SAR1A: variants seen among roughly 807,000 people sequenced by gnomAD.
SAR1A encodes the protein secretion associated Ras related GTPase 1A, also known as small COPII coat GTPase SAR1A.
A neutral mutation model predicts 22.6 loss-of-function variants in SAR1A; 6 were observed. The ratio of observed to expected loss-of-function variants is 0.27; its 90% confidence interval spans 0.15 to 0.52. The LOEUF is 0.52. Ranked by LOEUF, SAR1A falls within the 20% of genes least tolerant of loss-of-function variation. The pLI is 0.96. For missense variants in SAR1A, 145 were observed against 245.1 expected (o/e 0.59, Z 2.73); for synonymous variants, 70 against 82.2 (o/e 0.85, Z 0.80).
intron 5 of SAR1A, 117 bp from the exon 6 acceptor site, chr10:70,154,086 G>A: frequency 6.9e-6 from 5 of 725,460 alleles, no homozygotes; most frequent in Non-Finnish European, 1.1e-5. Flanking sequence ...TTAATGTAAA[G>A]TGAAAATCTG....
intron 4 of SAR1A, among the ~76,000 whole-genome samples, chr10:70,158,127 T>C (rs1268181399): frequency 6.6e-6 from 1 of 152,228 alleles, no homozygotes; most frequent in African/African-American, 2.4e-5. Context: ...ATCCCATGCC[T>C]ACTTATCCAC....
In SAR1A at chr10:70,152,196, G is replaced by T; in HGVS notation, c.*280C>A. 1 of 469,982 alleles carries T rather than the reference G, an allele frequency of 2.1e-6. No individual in the cohort carries two copies. The highest frequency in any genetic ancestry group is 3.8e-6 in the Non-Finnish European group (1 of 259,770). The allele number at this position is 469,982 out of a possible 1,614,324, so 29.1% of individuals were successfully genotyped here. A position where few individuals can be genotyped will look rare whatever the true frequency, so the allele number is the denominator to read the frequency against. On this transcript the variant is annotated 3_prime_UTR_variant, in exon 7 of 7. Transcript: ENST00000373241. The stretch of plus-strand genomic sequence containing the variant: ...TGGTGAGACGTGTTTTTCTTTTCAG[G>T]TGCCCCATGATGGCATACAGCTTTA...
intron 5 of SAR1A, among the ~76,000 whole-genome samples, chr10:70,155,646 G>A (rs1278255698): frequency 6.6e-6 from 1 of 152,208 alleles, no homozygotes; most frequent in Non-Finnish European, 1.5e-5. Context: ...ACATTGGTAA[G>A]GTGGGAGTCT....
chr10:70,158,757 C>CAAAAAA (rs58884949), intron 4 of SAR1A, among the ~76,000 whole-genome samples: 38,067 of 124,646 alleles, frequency 0.31, 5,878 homozygotes, highest in Non-Finnish European at 0.4. Flanking sequence ...TTAAGTTATA[C>CAAAAAA]AAAAAAAAAA....
At position 70,158,137 on chromosome 10, in the gene SAR1A, C is replaced by T. The variant is rs150942755; in HGVS notation, c.245-270G>A. ...TGGCAATCCCATGCCTACTTATCCA[C>T]GTGACAATTATCAGCAGGAACTAAG... On this transcript the variant is annotated intron_variant, in intron 4 of 6. Transcript: ENST00000373241. Among the ~76,000 whole-genome samples the T allele has an allele frequency of 3.6e-3, 551 of 152,310 alleles. 2 individuals carry two copies. The highest frequency in any genetic ancestry group is 0.013 in the African/African-American group (524 of 41,564).
Position 70,161,573 on chromosome 10 carries a change from A to G in SAR1A, c.178+46T>C, listed in dbSNP as rs762024840. ...TAGGGATTCATCCTCCACGCCTAAC[A>G]CTGACCTTTAAAGATCAAAAGGTCA... On this transcript the variant is annotated intron_variant, in intron 3 of 6. Coordinates refer to ENST00000373241, the MANE Select transcript of SAR1A (RefSeq NM_020150.5). 10 of 1,608,286 alleles carry G rather than the reference A, an allele frequency of 6.2e-6. No homozygotes were observed. The African/African-American group carries it at 1.3e-4, about 22-fold the overall frequency.
At chr10:70,157,138 C>T (rs1839399182) in intron 5 of SAR1A, among the ~76,000 whole-genome samples, 2 of 152,170 alleles carry the variant, frequency 1.3e-5, no homozygotes, top group African/African-American at 4.8e-5. Flanking sequence ...GGCGCGGTGG[C>T]TCATGCCTGT....
chr10:70,155,116 C>T (rs1839370626), intron 5 of SAR1A: 1 of 527,068 alleles, frequency 1.9e-6, no homozygotes, highest in Non-Finnish European at 3.9e-6. Flanking sequence ...AAGTGAGCTG[C>T]AATATATCCT....
chr10:70,161,701 A>C lies in SAR1A; in HGVS notation c.96T>G (p.Gly32=). The change falls in exon 3 of 7, where the codon GGT becomes GGG. Residue 32 remains glycine (G), a synonymous_variant. Transcript: ENST00000373241. Reference sequence around the variant, plus strand: ...GAGTGGTTTTGCCTGCATTATCCAAACCTAAGAATACAAGTTTTCCAGATT... The same window carrying C: ...GAGTGGTTTTGCCTGCATTATCCAACCCTAAGAATACAAGTTTTCCAGATT... The part of the protein sequence containing the change: ...YKKSGKLVFL[G]LDNAGKTTLL... 6.2e-7 allele frequency: 1 copy of C among 1,613,494 alleles called. No homozygotes were observed. Among genetic ancestry groups the C allele is most frequent in the Non-Finnish European group, 8.5e-7 (1 of 1,180,012 alleles).
chr10:70,150,576 AAACT>A lies in SAR1A; in HGVS notation c.*1896_*1899del, dbSNP rs1165732088. The A allele has an allele frequency of 6.6e-6, 1 of 152,260 alleles. No homozygotes were observed. Among genetic ancestry groups the A allele is most frequent in the Non-Finnish European group, 1.5e-5 (1 of 68,050 alleles). 9.4% of individuals were successfully genotyped at this position (152,260 alleles called of 1,614,324 possible). A position where few individuals can be genotyped will look rare whatever the true frequency, so the allele number is the denominator to read the frequency against. The stretch of plus-strand genomic sequence containing the variant: ...AAATAGGGGAAAAAAAAAATTAAGA[AAACT>A]AACACTGAAGTAATCATACTTCTCA... On this transcript the variant is annotated 3_prime_UTR_variant, in exon 7 of 7. Transcript: ENST00000373241.
In SAR1A at chr10:70,152,647, T is replaced by G; in HGVS notation, c.481-55A>C. 3.5e-6 allele frequency: 4 copies of G among 1,142,686 alleles called. No homozygotes were observed. The South Asian group carries it at 4.9e-5, about 14-fold the overall frequency. 70.8% of individuals were successfully genotyped at this position (1,142,686 alleles called of 1,614,324 possible). Reference sequence around the variant, plus strand: ...TTAGCATCTCTGTGGTGGAAAAGATTGAAAGGACGATCATTACAATCATTT... The same window carrying G: ...TTAGCATCTCTGTGGTGGAAAAGATGGAAAGGACGATCATTACAATCATTT... On this transcript the variant is annotated intron_variant, in intron 6 of 6. Coordinates refer to ENST00000373241, the MANE Select transcript of SAR1A (RefSeq NM_020150.5).
chr10:70,155,639 T>C (rs1033284733), intron 5 of SAR1A, among the ~76,000 whole-genome samples: 22 of 151,992 alleles, frequency 1.4e-4, no homozygotes, highest in Admixed American at 9.8e-4. Flanking sequence ...ACAACAGACA[T>C]TGGTAAGGTG....
intron 1 of SAR1A, chr10:70,164,232 T>A (rs1419660532): frequency 1.8e-6 from 1 of 569,318 alleles, no homozygotes; most frequent in Non-Finnish European, 3.2e-6. Context: ...CAAAAAAAAA[T>A]ATGCATGTAT....
At chr10:70,160,431 A>G (rs1203360657) in intron 4 of SAR1A, among the ~76,000 whole-genome samples, 1 of 152,212 alleles carries the variant, frequency 6.6e-6, no homozygotes, top group East Asian at 1.9e-4. Context: ...TATGCTCACA[A>G]ACAGTTCATA....
chr10:70,165,264 C>CAAAAAAAAAAAAAAA (rs34191043), intron 1 of SAR1A, among the ~76,000 whole-genome samples: 1 of 92,920 alleles, frequency 1.1e-5, no homozygotes, highest in Non-Finnish European at 2.1e-5. Context: ...GACTCCGTCT[C>CAAAAAAAAAAAAAAA]AAAAAAAAAA....
intron 1 of SAR1A, 70 bp from the exon 2 acceptor site, chr10:70,162,001 T>C (rs1014471850): frequency 6.2e-6 from 7 of 1,125,472 alleles, no homozygotes; most frequent in Non-Finnish European, 9.3e-6. Flanking sequence ...AGGTTAACTC[T>C]TGTTCCCTAG....
At chr10:70,162,370 GAAGGGAAAGGGA>G (rs1331468166) in intron 1 of SAR1A, among the ~76,000 whole-genome samples, 2 of 145,222 alleles carry the variant, frequency 1.4e-5, no homozygotes, top group Non-Finnish European at 3.0e-5. Flanking sequence ...AAAGGAAAGG[GAAGGGAAAGGGA>G]AAGGGAAAGG....
chr10:70,170,361 T>G (rs1839611545), intron 1 of SAR1A, 52 bp downstream of exon 1: 1 of 120,906 alleles, frequency 8.3e-6, no homozygotes. Context: ...CCGCCTTCCG[T>G]CCCAGCCCCT....
At chr10:70,164,580 G>C (rs959332781) in intron 1 of SAR1A, among the ~76,000 whole-genome samples, 1 of 152,104 alleles carries the variant, frequency 6.6e-6, no homozygotes, top group East Asian at 1.9e-4. Context: ...CTCACACACT[G>C]TTTTTTCTGT....
Sources: allele counts gnomAD v4.1 joint callset (sites outside exome capture counted in the v4.1 genomes callset), GRCh38; gene constraint gnomAD v4.1.1; transcripts MANE v1.5; gene names NCBI Gene and HGNC (gene_info 2026-07-23, HGNC 2026-07-21).